Variants in PRR16 observed in about 807,000 individuals in gnomAD.
PRR16 encodes the protein proline rich 16, also known as protein Largen.
A neutral mutation model predicts 18.2 loss-of-function variants in PRR16; 6 were observed. That is an observed-to-expected ratio of 0.33 (90% confidence interval 0.18 to 0.65). The LOEUF (loss-of-function observed/expected upper bound fraction) is 0.65. Ranked by LOEUF, PRR16 falls within the 30% of genes least tolerant of loss-of-function variation. The pLI is 0.74. For synonymous variants in PRR16, 151 were observed against 147.8 expected, an observed-to-expected ratio of 1.02 and a Z score of -0.16; for missense variants, 412 against 376.6, an observed-to-expected ratio of 1.09 and a Z score of -0.78.
intron 1 of PRR16, among the ~76,000 whole-genome samples, chr5:120,507,995 A>T (rs1292576565): frequency 1.3e-5 from 2 of 152,118 alleles, no homozygotes; most frequent in African/African-American, 4.8e-5. Context: ...TTGGTTTGAG[A>T]CACTAATGTG....
the PRR16 span, among the ~76,000 whole-genome samples, chr5:120,786,176 T>G: frequency 6.6e-6 from 1 of 151,656 alleles, no homozygotes; most frequent in Non-Finnish European, 1.5e-5. Flanking sequence ...GTCTGTTTGG[T>G]AATCTAAATT....
intron 1 of PRR16, among the ~76,000 whole-genome samples, chr5:120,621,799 C>T (rs1754698721): frequency 2.6e-5 from 4 of 152,130 alleles, no homozygotes; most frequent in Admixed American, 2.6e-4. Flanking sequence ...TAAGTTTCCT[C>T]AGGCCTCCCC....
At chr5:120,467,444 T>C (rs1749139428) in intron 1 of PRR16, among the ~76,000 whole-genome samples, 1 of 152,140 alleles carries the variant, frequency 6.6e-6, no homozygotes, top group Non-Finnish European at 1.5e-5. Context: ...AAATGCAATC[T>C]TCTTTAATTC....
intron 1 of PRR16, among the ~76,000 whole-genome samples, chr5:120,673,944 A>T (rs943249514): frequency 1.1e-5 from 1 of 95,170 alleles, no homozygotes; most frequent in Non-Finnish European, 2.1e-5. Flanking sequence ...ACAGAGTGAG[A>T]CCCTTTCTCA....
chr5:120,478,634 A>G (rs1200059475), intron 1 of PRR16, among the ~76,000 whole-genome samples: 1 of 152,146 alleles, frequency 6.6e-6, no homozygotes, highest in Non-Finnish European at 1.5e-5. Context: ...CGTGGCCTGT[A>G]ATCTCAGGAT....
At chr5:120,546,692 A>G (rs1225792668) in intron 1 of PRR16, among the ~76,000 whole-genome samples, 1 of 151,958 alleles carries the variant, frequency 6.6e-6, no homozygotes, top group Non-Finnish European at 1.5e-5. Context: ...TTCTTAGGAG[A>G]ATTGAGAGTG....
intron 1 of PRR16, among the ~76,000 whole-genome samples, chr5:120,499,152 C>T (rs1750361114): frequency 6.6e-6 from 1 of 151,110 alleles, no homozygotes; most frequent in African/African-American, 2.4e-5. Context: ...TCTTGTTGCC[C>T]AGGCTGGAGT....
chr5:120,608,991 GAAA>G (rs1191049817), intron 1 of PRR16, among the ~76,000 whole-genome samples: 2 of 152,052 alleles, frequency 1.3e-5, no homozygotes, highest in Non-Finnish European at 2.9e-5. Flanking sequence ...ATTAATCCTT[GAAA>G]CTCTTCGTAT....
chr5:120,549,722 A>G (rs1475221273), intron 1 of PRR16, among the ~76,000 whole-genome samples: 2 of 152,014 alleles, frequency 1.3e-5, no homozygotes, highest in Non-Finnish European at 1.5e-5. Context: ...ATTATATTTT[A>G]TGGGTACATA....
chr5:120,777,528 C>G, the PRR16 span, among the ~76,000 whole-genome samples: 2 of 151,538 alleles, frequency 1.3e-5, no homozygotes, highest in African/African-American at 4.8e-5. Context: ...TTTCCCTATT[C>G]TCATTAGTTT....
At chr5:120,717,631 A>T in the PRR16 span, among the ~76,000 whole-genome samples, 1 of 152,136 alleles carries the variant, frequency 6.6e-6, no homozygotes, top group African/African-American at 2.4e-5. Flanking sequence ...TAGAAAGATG[A>T]TGGCATTTGA....
chr5:120,711,567 C>G, the PRR16 span, among the ~76,000 whole-genome samples: 6 of 152,128 alleles, frequency 3.9e-5, no homozygotes, highest in African/African-American at 1.4e-4. Flanking sequence ...ATCAGTATGT[C>G]ACTTTATTAC....
chr5:120,629,431 A>G (rs1754981729), intron 1 of PRR16, among the ~76,000 whole-genome samples: 1 of 152,102 alleles, frequency 6.6e-6, no homozygotes, highest in African/African-American at 2.4e-5. Flanking sequence ...TTTTTGTAAC[A>G]TTATTTCTAA....
chr5:120,732,388 G>A, the PRR16 span, among the ~76,000 whole-genome samples: 2 of 151,944 alleles, frequency 1.3e-5, no homozygotes, highest in African/African-American at 4.8e-5. Context: ...ATGCTGGTGC[G>A]GCTATATAAT....
chr5:120,515,587 T>C (rs1750962902), intron 1 of PRR16, among the ~76,000 whole-genome samples: 1 of 152,220 alleles, frequency 6.6e-6, no homozygotes, highest in African/African-American at 2.4e-5. Flanking sequence ...AGGGATACCC[T>C]ACATTCTGAT....
the PRR16 span, among the ~76,000 whole-genome samples, chr5:120,746,478 A>G: frequency 2.0e-4 from 30 of 152,166 alleles, no homozygotes; most frequent in African/African-American, 7.2e-4. Context: ...TCTTGAGCCA[A>G]CTCGGAACTA....
the PRR16 span, among the ~76,000 whole-genome samples, chr5:120,698,238 C>T: frequency 3.3e-5 from 5 of 151,762 alleles, no homozygotes; most frequent in East Asian, 5.8e-4. Flanking sequence ...AGGGGTGATA[C>T]TGTGGGGTCG....
rs577462102 is a variant in PRR16 at position 120,569,287 on chromosome 5, A to C, written c.159+104642A>C. Among the ~76,000 whole-genome samples, 10 of 152,264 alleles carry C rather than the reference A, an allele frequency of 6.6e-5. No homozygotes were observed. The South Asian group carries it at 2.1e-3, about 32-fold the overall frequency. ...AATTTTATTCTTGTAAAAACTTATA[A>C]AACTGATATACAAATAGAGAATACA... On this transcript the variant is annotated intron_variant, in intron 1 of 1. Transcript: ENST00000407149.
At chr5:120,511,923 T>A (rs1427161289) in intron 1 of PRR16, among the ~76,000 whole-genome samples, 1 of 152,176 alleles carries the variant, frequency 6.6e-6, no homozygotes, top group African/African-American at 2.4e-5. Context: ...TCTAGGAAAA[T>A]GAAGAGCTAT....
Sources: gnomAD v4.1 joint callset for allele counts (sites outside exome capture counted in the v4.1 genomes callset) on GRCh38, gnomAD v4.1.1 for gene constraint, MANE v1.5 for transcripts, NCBI Gene and HGNC (gene_info 2026-07-23, HGNC 2026-07-21) for gene names.